Variants in MAGED1 observed in about 807,000 individuals in gnomAD.
The protein encoded by MAGED1 is melanoma-associated antigen D1.
MAGED1 carries 3 observed loss-of-function variants against 54.1 expected under a neutral mutation model. The observed-to-expected ratio is 0.06, with a 90% CI of 0.03 to 0.14. MAGED1 has a LOEUF of 0.14. Ranked by LOEUF, MAGED1 falls within the 10% of genes least tolerant of loss-of-function variation. The probability of loss-of-function intolerance (pLI) is 1.00; values close to 1 mark genes in which losing one functional copy is unlikely to be tolerated. For synonymous variants in MAGED1, 217 were observed against 227.3 expected (o/e 0.95, Z 0.41); for missense variants, 485 against 623.4 (o/e 0.78, Z 2.36).
At chrX:51,826,864 G>A (rs893652737) in intron 1 of MAGED1, among the ~76,000 whole-genome samples, 3 of 112,317 alleles carry the variant, frequency 2.7e-5, no homozygotes, top group African/African-American at 6.5e-5. Flanking sequence ...ATGATCCAGC[G>A]ATTGCGTTCC....
rs1557364572 is a variant in MAGED1 at position 51,898,306 on chromosome X, G to A, written c.1760G>A (p.Arg587His). Residue 587 changes from arginine to histidine, a missense_variant, in exon 9 of 13, where the codon CGC (arginine) becomes CAC (histidine). By Grantham distance (29) the Arg-to-His change is conservative. Coordinates refer to ENST00000326587, the MANE Select transcript of MAGED1 (RefSeq NM_006986.4). ...ASEAVLWEAL[R>H]KMGLRPGVRH... ...GCAGCTGTCCTCTGGGAGGCACTACGCAAGATGGGACTGCGTCCTGGGTAT... is the reference window on the plus strand; with the variant it reads ...GCAGCTGTCCTCTGGGAGGCACTACACAAGATGGGACTGCGTCCTGGGTAT... 1 of 1,211,182 alleles carries A rather than the reference G, an allele frequency of 8.3e-7. No homozygotes were observed. The highest frequency in any genetic ancestry group is 1.8e-5 in the South Asian group (1 of 56,914).
chrX:51,832,267 G>C (rs1926098355), intron 1 of MAGED1, among the ~76,000 whole-genome samples: 1 of 111,002 alleles, frequency 9.0e-6, no homozygotes, highest in Non-Finnish European at 1.9e-5. Flanking sequence ...TACGCTCAAG[G>C]GATCTGCCCA....
intron 1 of MAGED1, among the ~76,000 whole-genome samples, chrX:51,837,885 A>G (rs1316724971): frequency 1.8e-5 from 2 of 112,748 alleles, no homozygotes; most frequent in African/African-American, 6.4e-5. Context: ...ATTAAATGCA[A>G]TTGTCAGTTG....
rs781918340 is a variant in MAGED1 at position 51,842,832 on chromosome X, C to T, written c.-37+39715C>T. On this transcript the variant is annotated intron_variant, in intron 1 of 12. Transcript: ENST00000375772. ...CCCTGAGTAGCTGGGACCACAGGTG[C>T]GCACCACCATGGCTGGCTAATTTTT... 4.6e-4 allele frequency among the ~76,000 whole-genome samples: 50 copies of T among 109,057 alleles called. 2 individuals are homozygous for T. Among genetic ancestry groups the T allele is most frequent in the Admixed American group, 3.2e-3 (33 of 10,217 alleles). 94.7% of individuals were successfully genotyped at this position (109,057 alleles called of 115,157 possible).
Position 51,852,544 on chromosome X carries a change from A to G in MAGED1, c.-36-41725A>G, listed in dbSNP as rs781895794. 1.2e-3 allele frequency among the ~76,000 whole-genome samples: 140 copies of G among 112,342 alleles called. 3 individuals are homozygous for G. The highest frequency in any genetic ancestry group is 7.9e-4 in the Non-Finnish European group (42 of 53,290). On this transcript the variant is annotated intron_variant, in intron 1 of 12. Transcript: ENST00000375772. ...GTCATAAAATGGCTTTATTTAGACA[A>G]TACTTCCAAGGAAAGATTTGTATTA... is the stretch of plus-strand genomic sequence containing the variant.
In MAGED1 at chrX:51,896,835, G is replaced by T; in HGVS notation, c.1180G>T (p.Gly394Cys). 1 of 1,203,946 alleles carries T rather than the reference G, an allele frequency of 8.3e-7. No individual in the cohort carries two copies. Among genetic ancestry groups the T allele is most frequent in the Non-Finnish European group, 1.1e-6 (1 of 891,417 alleles). Residue 394 changes from glycine to cysteine, a missense_variant, in exon 4 of 13, where the codon GGT becomes TGT. Physicochemically the swap from Gly to Cys is radical, Grantham distance 159 (BLOSUM62 -3). Transcript: ENST00000326587. Reference protein sequence around the residue: ...PGWQTPPGWQGPPDWQGPPDW... With the variant: ...PGWQTPPGWQCPPDWQGPPDW... ...ATGGCAGACCCCACCGGGCTGGCAG[G>T]GTCCTCCAGACTGGCAAGGTCCTCC...
chrX:51,833,975 T>C (rs1368552089), intron 1 of MAGED1, among the ~76,000 whole-genome samples: 1 of 111,715 alleles, frequency 9.0e-6, no homozygotes, highest in South Asian at 3.7e-4. Context: ...TTCCTACTTA[T>C]ATAAATATCA....
At chrX:51,829,426 A>G (rs1417513092) in intron 1 of MAGED1, among the ~76,000 whole-genome samples, 1 of 110,515 alleles carries the variant, frequency 9.0e-6, no homozygotes, top group African/African-American at 3.3e-5. Flanking sequence ...TGGTGATGGG[A>G]CAATTGATTA....
chrX:51,898,093 ATT>A lies in MAGED1; in HGVS notation c.1659-20_1659-19del. The A allele has an allele frequency of 8.4e-7, 1 of 1,189,581 alleles. No individual in the cohort carries two copies. The highest frequency in any genetic ancestry group is 2.2e-5 in the Admixed American group (1 of 45,750). On this transcript the variant is annotated intron_variant, in intron 7 of 12. Coordinates refer to ENST00000326587, the MANE Select transcript of MAGED1 (RefSeq NM_006986.4). ...TCATGCAAATGGCTACTGAAAATAT[ATT>A]CTTTCTATATTCCCTTAGGACCAAA...
chrX:51,858,237 C>T (rs1026403039), intron 1 of MAGED1, among the ~76,000 whole-genome samples: 5 of 111,922 alleles, frequency 4.5e-5, no homozygotes, highest in Non-Finnish European at 9.4e-5. Context: ...CCCAAGATCA[C>T]ATACTAGTCA....
intron 1 of MAGED1, among the ~76,000 whole-genome samples, chrX:51,824,784 ATATATATACG>A (rs1405443299): frequency 1.0e-5 from 1 of 97,014 alleles, no homozygotes; most frequent in African/African-American, 3.9e-5. Flanking sequence ...ATATATACAC[ATATATATACG>A]TATATATACG....
At chrX:51,858,707 G>C (rs1192323813) in intron 1 of MAGED1, among the ~76,000 whole-genome samples, 2 of 110,979 alleles carry the variant, frequency 1.8e-5, no homozygotes, top group African/African-American at 6.6e-5. Context: ...GATGTGGTGA[G>C]AGCTTCAGGA....
intron 1 of MAGED1, among the ~76,000 whole-genome samples, chrX:51,841,817 C>T (rs1230087250): frequency 3.6e-5 from 4 of 111,899 alleles, no homozygotes; most frequent in South Asian, 3.7e-4. Flanking sequence ...GTACCAGTAC[C>T]GTGCTGTTTT....
intron 1 of MAGED1, among the ~76,000 whole-genome samples, chrX:51,881,161 G>C (rs1928036669): frequency 1.8e-5 from 2 of 111,141 alleles, no homozygotes; most frequent in East Asian, 5.7e-4. Context: ...AGAGCAGACC[G>C]AGGAAGCAAG....
chrX:51,870,732 A>C (rs1378436902), intron 1 of MAGED1: 1 of 112,212 alleles, frequency 8.9e-6, no homozygotes, highest in African/African-American at 3.2e-5. Context: ...TCATGAATTT[A>C]TGTGTCATCT....
At chrX:51,813,231 C>T (rs944724025) in intron 1 of MAGED1, among the ~76,000 whole-genome samples, 4 of 109,545 alleles carry the variant, frequency 3.7e-5, no homozygotes, top group Non-Finnish European at 5.7e-5. Context: ...CCATGTTGGT[C>T]AGGCTGGTCT....
intron 1 of MAGED1, among the ~76,000 whole-genome samples, chrX:51,842,273 C>T (rs1228245071): frequency 1.8e-5 from 2 of 111,538 alleles, no homozygotes; most frequent in African/African-American, 6.5e-5. Context: ...GAAGAGTTTC[C>T]GGTTTGTTGG....
chrX:51,832,299 G>A (rs961428090), intron 1 of MAGED1, among the ~76,000 whole-genome samples: 12 of 111,311 alleles, frequency 1.1e-4, no homozygotes, highest in Non-Finnish European at 1.9e-4. Flanking sequence ...CAAAGTCCTG[G>A]GATTACAGGC....
At position 51,897,040 on chromosome X, in the gene MAGED1, C is replaced by T; in HGVS notation, c.1385C>T (p.Ala462Val). The change falls in exon 4 of 13, where the codon GCT (alanine) becomes GTT (valine). Residue 462 changes from alanine (A) to valine (V), a missense_variant. Around this residue, in one of 2 missense-constraint regions of MAGED1, gnomAD observed 186 missense variants for 330.3 expected, o/e 0.56. Coordinates refer to ENST00000326587, the MANE Select transcript of MAGED1 (RefSeq NM_006986.4). Reference protein sequence around the residue: ...PNSRASQNPGAAQPRDVALLQ... With the variant: ...PNSRASQNPGVAQPRDVALLQ... Reference sequence around the variant, plus strand: ...TCGCGTGCCTCACAGAACCCAGGTGCTGCACAGCCCCGAGATGTGGCCCTT... The same window carrying T: ...TCGCGTGCCTCACAGAACCCAGGTGTTGCACAGCCCCGAGATGTGGCCCTT... 5.8e-6 allele frequency: 7 copies of T among 1,211,939 alleles called. No homozygotes were observed. The highest frequency in any genetic ancestry group is 7.8e-6 in the Non-Finnish European group (7 of 895,473).
Sources: allele counts gnomAD v4.1 joint callset (sites outside exome capture counted in the v4.1 genomes callset), GRCh38; gene constraint gnomAD v4.1.1; regional missense constraint gnomAD v4.1.1; transcripts MANE v1.5; gene names NCBI Gene and HGNC (gene_info 2026-07-23, HGNC 2026-07-21).